Variants in EXOC4 observed in about 807,000 individuals in gnomAD.
EXOC4 encodes the protein exocyst complex component 4.
Under a neutral mutation model 107.2 loss-of-function variants are expected in EXOC4, and 71 were observed. That is an observed-to-expected ratio of 0.66 (90% CI 0.55 to 0.81). The LOEUF is 0.81. Among genes scored for constraint, EXOC4 ranks in the 30% least tolerant of loss-of-function variants. The pLI is 0.00. For synonymous variants in EXOC4, 456 were observed against 441.2 expected (o/e 1.03, Z -0.42); for missense variants, 1,108 against 1,189.6 (o/e 0.93, Z 1.01).
chr7:133,306,175 C>A, intron 4 of EXOC4, 114 bp downstream of exon 4: 1 of 840,012 alleles, frequency 1.2e-6, no homozygotes, highest in South Asian at 2.1e-5. Flanking sequence ...AATGGACTGT[C>A]TCTGAAACTT....
intron 3 of EXOC4, among the ~76,000 whole-genome samples, chr7:133,304,462 C>A (rs763410468): frequency 1.3e-5 from 2 of 152,172 alleles, no homozygotes; most frequent in Non-Finnish European, 2.9e-5. Context: ...CAGGGCTTGT[C>A]ACTCTCCCAT....
At chr7:133,810,426 CAT>C (rs1216225271) in intron 10 of EXOC4, among the ~76,000 whole-genome samples, 1 of 152,108 alleles carries the variant, frequency 6.6e-6, no homozygotes, top group Non-Finnish European at 1.5e-5. Context: ...AGTGTGTCCT[CAT>C]GTGTGCATTC....
intron 17 of EXOC4, among the ~76,000 whole-genome samples, chr7:134,046,912 G>A (rs61704473): frequency 0.15 from 23,569 of 152,080 alleles, 2,664 homozygotes; most frequent in East Asian, 0.43. Flanking sequence ...CAAATGTTGC[G>A]CTCCAAAGGC....
intron 5 of EXOC4, among the ~76,000 whole-genome samples, chr7:133,336,715 TTTTATTTTA>T (rs201112016): frequency 0.3 from 31,310 of 103,522 alleles, 3,426 homozygotes; most frequent in South Asian, 0.46. Context: ...TTTTATTTTA[TTTTATTTTA>T]TTTATTTTAT....
intron 14 of EXOC4, among the ~76,000 whole-genome samples, chr7:133,960,775 G>A (rs1417460572): frequency 2.0e-5 from 3 of 152,110 alleles, no homozygotes; most frequent in African/African-American, 7.2e-5. Flanking sequence ...ATTGCTGTAC[G>A]ATTGATTATA....
chr7:133,898,806 C>G (rs1024782584), intron 12 of EXOC4, among the ~76,000 whole-genome samples: 2 of 147,496 alleles, frequency 1.4e-5, no homozygotes, highest in African/African-American at 5.0e-5. Flanking sequence ...GGTGAAAGCC[C>G]ATCTCTACCA....
chr7:133,531,002 G>A (rs1306140131), intron 9 of EXOC4, among the ~76,000 whole-genome samples: 2 of 152,128 alleles, frequency 1.3e-5, no homozygotes, highest in East Asian at 1.9e-4. Flanking sequence ...TTCTGACATC[G>A]TGGCCAGACT....
intron 11 of EXOC4, among the ~76,000 whole-genome samples, chr7:133,886,011 C>T (rs1287851970): frequency 6.6e-6 from 1 of 152,060 alleles, no homozygotes; most frequent in Non-Finnish European, 1.5e-5. Flanking sequence ...TCAAGCTCAC[C>T]CTGTTCACAG....
At chr7:134,076,681 T>C in the EXOC4 span, among the ~76,000 whole-genome samples, 2 of 146,312 alleles carry the variant, frequency 1.4e-5, no homozygotes, top group African/African-American at 5.0e-5. Context: ...ATATCTAACA[T>C]AGAAAAAACT....
At chr7:133,316,164 A>G (rs1280239843) in intron 4 of EXOC4, among the ~76,000 whole-genome samples, 2 of 152,258 alleles carry the variant, frequency 1.3e-5, no homozygotes, top group East Asian at 1.9e-4. Flanking sequence ...TTATTGGATT[A>G]TAAATACACA....
intron 6 of EXOC4, among the ~76,000 whole-genome samples, chr7:133,357,314 A>G (rs1796044864): frequency 6.6e-6 from 1 of 152,170 alleles, no homozygotes; most frequent in Non-Finnish European, 1.5e-5. Context: ...TGGAGCTCAG[A>G]GATTGAATAA....
At chr7:133,526,221 T>C (rs1800075487) in intron 9 of EXOC4, among the ~76,000 whole-genome samples, 1 of 152,234 alleles carries the variant, frequency 6.6e-6, no homozygotes, top group Non-Finnish European at 1.5e-5. Context: ...CTTATTTCTT[T>C]GGAATGGTAT....
At chr7:133,451,778 A>G (rs1456414922) in intron 7 of EXOC4, among the ~76,000 whole-genome samples, 1 of 152,110 alleles carries the variant, frequency 6.6e-6, no homozygotes, top group African/African-American at 2.4e-5. Flanking sequence ...TTCTTCACTA[A>G]GGTCTCCAGC....
chr7:133,509,194 C>T (rs1011652427), intron 9 of EXOC4, among the ~76,000 whole-genome samples: 7 of 151,986 alleles, frequency 4.6e-5, no homozygotes, highest in African/African-American at 7.2e-5. Flanking sequence ...TTTGGGAGGC[C>T]GAGGTGGGAG....
chr7:133,854,227 G>C (rs1031335368), intron 11 of EXOC4, among the ~76,000 whole-genome samples: 8 of 152,138 alleles, frequency 5.3e-5, no homozygotes, highest in African/African-American at 1.9e-4. Context: ...CCAGCTCCCT[G>C]TTCCTCAGGG....
At chr7:133,465,384 A>C (rs1798702735) in intron 7 of EXOC4, among the ~76,000 whole-genome samples, 1 of 152,190 alleles carries the variant, frequency 6.6e-6, no homozygotes, top group African/African-American at 2.4e-5. Flanking sequence ...ATACCATGAG[A>C]TCCAAAATAC....
At chr7:133,344,504 G>T (rs780333300) in intron 5 of EXOC4, among the ~76,000 whole-genome samples, 1 of 152,090 alleles carries the variant, frequency 6.6e-6, no homozygotes, top group Non-Finnish European at 1.5e-5. Flanking sequence ...TGGTAGCATC[G>T]GAAGGTTTGT....
At chr7:133,699,606 T>C (rs1794612447) in intron 10 of EXOC4, among the ~76,000 whole-genome samples, 2 of 152,272 alleles carry the variant, frequency 1.3e-5, no homozygotes, top group Non-Finnish European at 2.9e-5. Flanking sequence ...AATGTTGTGG[T>C]TTTGGCAGTC....
chr7:133,866,062 C>T (rs1798633164), intron 11 of EXOC4, among the ~76,000 whole-genome samples: 1 of 152,124 alleles, frequency 6.6e-6, no homozygotes, highest in African/African-American at 2.4e-5. Context: ...CTGGGACTGA[C>T]AGCTAACATT....
Sources: allele counts gnomAD v4.1 joint callset (sites outside exome capture counted in the v4.1 genomes callset), GRCh38; gene constraint gnomAD v4.1.1; transcripts MANE v1.5; gene names NCBI Gene and HGNC (gene_info 2026-07-23, HGNC 2026-07-21).